Variants in LMBRD1 observed in about 807,000 individuals in gnomAD.
The protein encoded by LMBRD1 is lysosomal cobalamin transport escort protein LMBD1.
LMBRD1 carries 64 observed loss-of-function variants against 74.8 expected under a neutral mutation model. That is an observed-to-expected ratio of 0.86 (90% CI 0.70 to 1.05). The LOEUF (loss-of-function observed/expected upper bound fraction) is 1.05. Ranked by LOEUF, LMBRD1 falls within the 50% of genes least tolerant of loss-of-function variation. LMBRD1 has a pLI of 0.00. For missense variants in LMBRD1, 652 were observed against 645.9 expected, an observed-to-expected ratio of 1.01 and a Z score of -0.10; for synonymous variants, 204 against 216.3, an observed-to-expected ratio of 0.94 and a Z score of 0.50.
At chr6:69,713,135 A>T (rs996116574) in intron 9 of LMBRD1, among the ~76,000 whole-genome samples, 3 of 152,144 alleles carry the variant, frequency 2.0e-5, no homozygotes, top group Non-Finnish European at 2.9e-5. Flanking sequence ...CCACAAACCT[A>T]GTCAATTTAT....
chr6:69,718,993 T>G lies in LMBRD1; in HGVS notation c.725A>C (p.Glu242Ala). 1 of 1,613,440 alleles carries G rather than the reference T, an allele frequency of 6.2e-7. No individual in the cohort carries two copies. Among genetic ancestry groups the G allele is most frequent in the Non-Finnish European group, 8.5e-7 (1 of 1,179,560 alleles). ...YERLENTEDI[E>A]EVEQHIQTIK... ...CGTTTGAATGTGTTGTTCTACTTCT[T>G]CAATGTCTTCAGTGTTTTCCAAACG... The change falls in exon 8 of 16, where the codon GAA becomes GCA. Residue 242 changes from glutamate (E) to alanine (A), a missense_variant. By Grantham distance (107) the Glu-to-Ala change is moderately radical. Coordinates refer to ENST00000649934, the MANE Select transcript of LMBRD1 (RefSeq NM_018368.4).
intron 5 of LMBRD1, among the ~76,000 whole-genome samples, chr6:69,742,152 A>C (rs1767119642): frequency 6.6e-6 from 1 of 152,128 alleles, no homozygotes. Flanking sequence ...TAAAAAACAA[A>C]AAATTAATAT....
intron 9 of LMBRD1, among the ~76,000 whole-genome samples, chr6:69,711,440 A>G (rs949928168): frequency 6.6e-6 from 1 of 152,116 alleles, no homozygotes; most frequent in South Asian, 2.1e-4. Context: ...CCTTCTAAAC[A>G]TATGTTTGGT....
At chr6:69,790,063 T>C (rs1238917862) in intron 2 of LMBRD1, among the ~76,000 whole-genome samples, 2 of 152,254 alleles carry the variant, frequency 1.3e-5, no homozygotes, top group African/African-American at 4.8e-5. Context: ...AAAAAATATA[T>C]AACCTATTAT....
chr6:69,709,974 A>G (rs2149850635), intron 9 of LMBRD1, among the ~76,000 whole-genome samples: 1 of 152,328 alleles, frequency 6.6e-6, no homozygotes, highest in South Asian at 2.1e-4. Flanking sequence ...AGTAATCCCA[A>G]TAGATATCCT....
chr6:69,706,344 T>G (rs182221223), intron 9 of LMBRD1, among the ~76,000 whole-genome samples: 2 of 152,336 alleles, frequency 1.3e-5, no homozygotes, highest in African/African-American at 4.8e-5. Flanking sequence ...TATTTCCCCT[T>G]TCTTTTCACT....
chr6:69,716,297 T>C (rs1221689506), intron 8 of LMBRD1, among the ~76,000 whole-genome samples: 2 of 152,202 alleles, frequency 1.3e-5, no homozygotes. Context: ...TTTGACTTTT[T>C]AATAACAGCC....
chr6:69,752,427 G>A (rs1765178992), intron 3 of LMBRD1, 71 bp from the exon 4 acceptor site: 3 of 1,217,558 alleles, frequency 2.5e-6, no homozygotes, highest in Non-Finnish European at 3.6e-6. Flanking sequence ...CTATCTATAT[G>A]TATATATATT....
At chr6:69,731,643 G>A (rs1766860887) in intron 7 of LMBRD1, among the ~76,000 whole-genome samples, 1 of 152,070 alleles carries the variant, frequency 6.6e-6, no homozygotes, top group African/African-American at 2.4e-5. Flanking sequence ...GTAAGCTAAT[G>A]TAAGTGTTCT....
At chr6:69,758,108 C>T (rs141158392) in intron 3 of LMBRD1, among the ~76,000 whole-genome samples, 86 of 152,240 alleles carry the variant, frequency 5.6e-4, no homozygotes, top group African/African-American at 1.9e-3. Context: ...AACAATCTAC[C>T]TTTTAAAAGC....
At chr6:69,795,396 T>C (rs1018246500) in intron 1 of LMBRD1, among the ~76,000 whole-genome samples, 2 of 152,222 alleles carry the variant, frequency 1.3e-5, no homozygotes, top group Admixed American at 1.3e-4. Flanking sequence ...GTCCATAAAA[T>C]ACATGTTTCA....
chr6:69,782,679 T>C (rs1431608595), intron 2 of LMBRD1, among the ~76,000 whole-genome samples: 2 of 105,366 alleles, frequency 1.9e-5, no homozygotes, highest in Non-Finnish European at 3.8e-5. Flanking sequence ...AGACTCTGTC[T>C]CAAGAAACAA....
intron 7 of LMBRD1, among the ~76,000 whole-genome samples, chr6:69,722,958 A>G (rs537092414): frequency 4.5e-4 from 68 of 152,296 alleles, no homozygotes; most frequent in African/African-American, 1.6e-3. Flanking sequence ...TTTCACCTAC[A>G]AAGACATACA....
At chr6:69,747,380 A>C (rs1327943615) in intron 5 of LMBRD1, among the ~76,000 whole-genome samples, 1 of 152,230 alleles carries the variant, frequency 6.6e-6, no homozygotes, top group Non-Finnish European at 1.5e-5. Flanking sequence ...TTCAACGTAG[A>C]CTTCTAACCT....
intron 3 of LMBRD1, among the ~76,000 whole-genome samples, chr6:69,763,211 C>A (rs1765407284): frequency 6.9e-6 from 1 of 145,368 alleles, no homozygotes; most frequent in South Asian, 2.2e-4. Context: ...TTCCTCCTGA[C>A]TGCTTAGAAT....
intron 5 of LMBRD1, among the ~76,000 whole-genome samples, chr6:69,749,003 C>G (rs1765056518): frequency 6.6e-6 from 1 of 151,918 alleles, no homozygotes; most frequent in African/African-American, 2.4e-5. Flanking sequence ...ATTGATGGAG[C>G]TACACTTACT....
intron 14 of LMBRD1, among the ~76,000 whole-genome samples, chr6:69,691,388 AC>A (rs1765875736): frequency 1.3e-5 from 2 of 152,152 alleles, no homozygotes; most frequent in Admixed American, 1.3e-4. Flanking sequence ...TTCTTCTTTA[AC>A]ATTCTAGTTC....
At chr6:69,745,550 G>A (rs1376211291) in intron 5 of LMBRD1, among the ~76,000 whole-genome samples, 6 of 152,114 alleles carry the variant, frequency 3.9e-5, no homozygotes, top group East Asian at 1.9e-4. Flanking sequence ...GAGCCACCGC[G>A]CCCGGCCAAA....
At chr6:69,703,166 AT>A (rs1766170948) in intron 9 of LMBRD1, among the ~76,000 whole-genome samples, 1 of 152,010 alleles carries the variant, frequency 6.6e-6, no homozygotes, top group Non-Finnish European at 1.5e-5. Context: ...ATTGCAAAAG[AT>A]TTTGAAGTGA....
Sources: allele counts gnomAD v4.1 joint callset (sites outside exome capture counted in the v4.1 genomes callset), GRCh38; gene constraint gnomAD v4.1.1; transcripts MANE v1.5; gene names NCBI Gene and HGNC (gene_info 2026-07-23, HGNC 2026-07-21).